SEL1L3: variants seen among roughly 807,000 people sequenced by gnomAD.
SEL1L3 encodes protein sel-1 homolog 3.
In SEL1L3, 76 loss-of-function variants were observed where a neutral mutation model predicts 142.8. The ratio of observed to expected loss-of-function variants is 0.53; its 90% confidence interval spans 0.44 to 0.64. SEL1L3 has a LOEUF of 0.64. Ranked by LOEUF, SEL1L3 falls within the 30% of genes least tolerant of loss-of-function variation. The probability of loss-of-function intolerance (pLI) is 0.00; values close to 1 mark genes in which losing one functional copy is unlikely to be tolerated. For synonymous variants in SEL1L3, 504 were observed against 519.6 expected (o/e 0.97, Z 0.41); for missense variants, 1,262 against 1,381.7 (o/e 0.91, Z 1.37).
At chr4:25,736,286 C>T in the SEL1L3 span, among the ~76,000 whole-genome samples, 3 of 148,868 alleles carry the variant, frequency 2.0e-5, no homozygotes, top group Non-Finnish European at 3.0e-5. Context: ...TGCAGTGGTG[C>T]GATCTCAGCT....
At chr4:25,716,723 G>C in the SEL1L3 span, among the ~76,000 whole-genome samples, 1 of 152,104 alleles carries the variant, frequency 6.6e-6, no homozygotes, top group Non-Finnish European at 1.5e-5. Flanking sequence ...ATGGTTTAAA[G>C]AATATTACTT....
intron 10 of SEL1L3, 107 bp downstream of exon 10, chr4:25,804,433 AG>A: frequency 1.3e-6 from 1 of 775,400 alleles, no homozygotes; most frequent in Non-Finnish European, 2.2e-6. Context: ...AGATTTTTAA[AG>A]GTCTCCAAGG....
chr4:25,823,884 T>C (rs1006682040), intron 6 of SEL1L3, among the ~76,000 whole-genome samples: 6 of 152,068 alleles, frequency 3.9e-5, no homozygotes, highest in African/African-American at 1.4e-4. Context: ...GGATGGACTG[T>C]CTGTTAGCAA....
downstream of SEL1L3, among the ~76,000 whole-genome samples, chr4:25,746,513 T>TATATATATATATATATATTTAA (rs1683577921): frequency 8.3e-6 from 1 of 120,238 alleles, no homozygotes; most frequent in African/African-American, 3.2e-5. Context: ...TCTAAATATA[T>TATATATATATATATATATTTAA]ATATATATAT....
the SEL1L3 span, among the ~76,000 whole-genome samples, chr4:25,741,520 T>C: frequency 6.6e-6 from 1 of 152,204 alleles, no homozygotes; most frequent in Non-Finnish European, 1.5e-5. Context: ...AGTCTTTAGA[T>C]TTTCTCCTTC....
the SEL1L3 span, among the ~76,000 whole-genome samples, chr4:25,732,332 C>T: frequency 6.6e-6 from 1 of 152,106 alleles, no homozygotes; most frequent in Non-Finnish European, 1.5e-5. Context: ...CCTATATTGA[C>T]AAGTTATTCA....
chr4:25,782,880 C>G (rs1398361169), intron 14 of SEL1L3, among the ~76,000 whole-genome samples: 1 of 152,170 alleles, frequency 6.6e-6, no homozygotes, highest in Non-Finnish European at 1.5e-5. Context: ...TGGCAAGCAG[C>G]AGCAACATCC....
chr4:25,719,228 G>A, the SEL1L3 span: 3 of 152,080 alleles, frequency 2.0e-5, no homozygotes, highest in African/African-American at 7.2e-5. Flanking sequence ...CATATTTAGT[G>A]ACCTTGATAT....
intron 2 of SEL1L3, among the ~76,000 whole-genome samples, chr4:25,846,912 CAAAAAAAAA>C (rs71184268): frequency 1.4e-5 from 1 of 71,822 alleles, no homozygotes; most frequent in African/African-American, 5.8e-5. Context: ...GACTCCATCT[CAAAAAAAAA>C]AAAAAAAAAA....
At chr4:25,832,041 C>A (rs1011646757) in intron 5 of SEL1L3, among the ~76,000 whole-genome samples, 4 of 152,176 alleles carry the variant, frequency 2.6e-5, no homozygotes, top group Non-Finnish European at 5.9e-5. Flanking sequence ...CATCATAATT[C>A]TCACATACAT....
intron 11 of SEL1L3, among the ~76,000 whole-genome samples, chr4:25,798,548 C>G (rs1310318449): frequency 2.0e-5 from 3 of 152,174 alleles, no homozygotes; most frequent in African/African-American, 7.2e-5. Context: ...ACCAGGACGG[C>G]TGGGCGAGGT....
At chr4:25,813,521 C>T (rs909813821) in intron 9 of SEL1L3, among the ~76,000 whole-genome samples, 3 of 152,072 alleles carry the variant, frequency 2.0e-5, no homozygotes, top group Non-Finnish European at 4.4e-5. Context: ...TCAAACTCAT[C>T]GAAATAAAAA....
At chr4:25,806,652 C>T (rs898877134) in intron 9 of SEL1L3, among the ~76,000 whole-genome samples, 1 of 152,092 alleles carries the variant, frequency 6.6e-6, no homozygotes, top group Non-Finnish European at 1.5e-5. Context: ...AAGGATGCAG[C>T]CACCACCTCC....
At chr4:25,737,518 C>A in the SEL1L3 span, among the ~76,000 whole-genome samples, 1 of 152,096 alleles carries the variant, frequency 6.6e-6, no homozygotes, top group Admixed American at 6.6e-5. Context: ...AGGGCTCGAA[C>A]CTCATGAACT....
At chr4:25,851,131 G>A (rs1028687242) in intron 1 of SEL1L3, among the ~76,000 whole-genome samples, 8 of 152,134 alleles carry the variant, frequency 5.3e-5, no homozygotes, top group South Asian at 2.1e-4. Context: ...GATTACAGGC[G>A]TGAGCCACTG....
At position 25,792,911 on chromosome 4, in the gene SEL1L3, A is replaced by G. The variant is rs574662686; in HGVS notation, c.1957-2337T>C. Among the ~76,000 whole-genome samples, 301 of 152,240 alleles carry G rather than the reference A, an allele frequency of 2.0e-3. 1 individual carries two copies. Among genetic ancestry groups the G allele is most frequent in the Non-Finnish European group, 2.8e-3 (192 of 68,024 alleles). On this transcript the variant is annotated intron_variant, in intron 11 of 23. Transcript: ENST00000399878. ...CCTTGTTTTGTTTCCTCCTTGAATA[A>G]AGACATAACTCATGAAGACACAGTT...
chr4:25,785,398 G>T (rs1323132509), intron 13 of SEL1L3, among the ~76,000 whole-genome samples: 2 of 152,110 alleles, frequency 1.3e-5, no homozygotes, highest in African/African-American at 2.4e-5. Context: ...CCAGACAAAT[G>T]GACTCCAGAA....
In SEL1L3 at chr4:25,747,735, A is replaced by G. The variant is rs1208996189; in HGVS notation, c.*690T>C. On this transcript the variant is annotated 3_prime_UTR_variant, in exon 24 of 24. Coordinates refer to ENST00000399878, the MANE Select transcript of SEL1L3 (RefSeq NM_015187.5). ...TTCATGGAGAAGACTACAGTTAAGT[A>G]CTAAGAATCTTCTAAATGTAATTTC... 3 of 152,718 alleles carry G rather than the reference A, an allele frequency of 2.0e-5. No individual in the cohort carries two copies. The highest frequency in any genetic ancestry group is 1.3e-4 in the Admixed American group (2 of 15,284). The allele number at this position is 152,718 out of a possible 1,614,324, so 9.5% of individuals were successfully genotyped here. A position where few individuals can be genotyped will look rare whatever the true frequency, so the allele number is the denominator to read the frequency against.
intron 1 of SEL1L3, among the ~76,000 whole-genome samples, chr4:25,848,813 A>G (rs1249362421): frequency 2.6e-5 from 4 of 152,224 alleles, no homozygotes; most frequent in Non-Finnish European, 5.9e-5. Flanking sequence ...AAAATAGTAT[A>G]GCAGTTCCTC....
Sources: allele counts gnomAD v4.1 joint callset (sites outside exome capture counted in the v4.1 genomes callset), GRCh38; gene constraint gnomAD v4.1.1; transcripts MANE v1.5; gene names NCBI Gene and HGNC (gene_info 2026-07-23, HGNC 2026-07-21).